Variants in RAD50 observed in about 807,000 individuals in gnomAD.
The protein encoded by RAD50 is DNA repair protein RAD50.
RAD50 carries 132 observed loss-of-function variants against 168.8 expected under a neutral mutation model. The observed-to-expected ratio is 0.78, with a 90% confidence interval of 0.68 to 0.90. RAD50 has a LOEUF of 0.90. Among genes scored for constraint, RAD50 ranks in the 40% least tolerant of loss-of-function variants. The probability of loss-of-function intolerance (pLI) is 0.00; values close to 1 mark genes in which losing one functional copy is unlikely to be tolerated. For missense variants in RAD50, 1,347 were observed against 1,534.4 expected (o/e 0.88, Z 2.04); for synonymous variants, 525 against 497.4 (o/e 1.06, Z -0.74).
intron 2 of RAD50, 34 bp from the exon 3 acceptor site, chr5:132,575,743 G>GTAACA (rs777962483): frequency 2.6e-6 from 4 of 1,552,000 alleles, no homozygotes; most frequent in Admixed American, 3.3e-5. Context: ...GCTTATTAAA[G>GTAACA]TAACATAAGT....
At chr5:132,633,061 A>C (rs1751503783) in intron 21 of RAD50, among the ~76,000 whole-genome samples, 1 of 145,764 alleles carries the variant, frequency 6.9e-6, no homozygotes, top group East Asian at 2.0e-4. Context: ...ACCTATTCCC[A>C]GTTTATCGTT....
intron 5 of RAD50, among the ~76,000 whole-genome samples, chr5:132,582,609 C>T (rs189223631): frequency 6.6e-6 from 1 of 152,258 alleles, no homozygotes; most frequent in East Asian, 1.9e-4. Flanking sequence ...ATATCCTGTC[C>T]TCTTTTTTTG....
rs1224907828 is a variant in RAD50, at chr5:132,588,029, A to G, written c.991A>G (p.Lys331Glu). 2.5e-6 allele frequency: 4 copies of G among 1,612,634 alleles called. No homozygotes were observed. The South Asian group carries it at 3.3e-5, about 13-fold the overall frequency. Residue 331 changes from lysine (K) to glutamate (E), a missense_variant, in exon 7 of 25, where the codon AAA becomes GAA. Around this residue, in one of 3 missense-constraint regions of RAD50, gnomAD observed 703 missense variants for 767.7 expected, o/e 0.92. Coordinates refer to ENST00000378823, the MANE Select transcript of RAD50 (RefSeq NM_005732.4). The stretch of plus-strand genomic sequence containing the variant: ...GGTAGACTGTCATCGTGAACTGGAA[A>G]AACTAAATAAAGAATCTAGGCTTCT... ...KLVDCHRELE[K>E]LNKESRLLNQ... is the part of the protein sequence containing the mutation.
chr5:132,573,927 T>C lies in RAD50; in HGVS notation c.214-1850T>C, dbSNP rs567074971. 2.1e-3 allele frequency among the ~76,000 whole-genome samples: 317 copies of C among 152,328 alleles called. 1 individual carries two copies. The highest frequency in any genetic ancestry group is 7.0e-3 in the African/African-American group (291 of 41,576). ...TGCAAGAGGTGGGCTTCCATGGCCT[T>C]GGGCAGCTCCACTTCTGGCTTTGCA... On this transcript the variant is annotated intron_variant, in intron 2 of 24. Transcript: ENST00000378823.
At chr5:132,577,390 G>A in intron 3 of RAD50, among the ~76,000 whole-genome samples, 1 of 152,166 alleles carries the variant, frequency 6.6e-6, no homozygotes, top group Non-Finnish European at 1.5e-5. Flanking sequence ...AATTCCATCT[G>A]TAATCTTAAT....
At chr5:132,563,427 A>G (rs1750154791) in intron 2 of RAD50, among the ~76,000 whole-genome samples, 1 of 152,234 alleles carries the variant, frequency 6.6e-6, no homozygotes, top group South Asian at 2.1e-4. Flanking sequence ...GATTGCTTTT[A>G]TATTCTCAAA....
At chr5:132,558,396 A>T (rs1417071232) in intron 1 of RAD50, among the ~76,000 whole-genome samples, 2 of 152,118 alleles carry the variant, frequency 1.3e-5, no homozygotes, top group African/African-American at 4.8e-5. Flanking sequence ...TAGTTTTCTC[A>T]TTTATAAAAT....
At chr5:132,558,647 G>T (rs1750059649) in intron 1 of RAD50, among the ~76,000 whole-genome samples, 1 of 150,394 alleles carries the variant, frequency 6.6e-6, no homozygotes, top group South Asian at 2.1e-4. Context: ...GGAGGTGGAG[G>T]TTGCAGTGAG....
At position 132,579,306 on chromosome 5, in the gene RAD50, A is replaced by T. The variant is rs771876279; in HGVS notation, c.366-11A>T. ...TATTTTACATATATTCTTGATTTTCATTTTCTGTAGGCATGGTGAAAAGGT... is the reference window on the plus strand; with the variant it reads ...TATTTTACATATATTCTTGATTTTCTTTTTCTGTAGGCATGGTGAAAAGGT... On this transcript the variant is annotated splice_polypyrimidine_tract_variant and intron_variant, in intron 3 of 24. Coordinates refer to ENST00000378823, the MANE Select transcript of RAD50 (RefSeq NM_005732.4). 6.2e-7 allele frequency: 1 copy of T among 1,612,360 alleles called. No homozygotes were observed. The highest frequency in any genetic ancestry group is 8.5e-7 in the Non-Finnish European group (1 of 1,178,506).
At chr5:132,612,727 C>A (rs1751108290) in intron 19 of RAD50, among the ~76,000 whole-genome samples, 1 of 151,980 alleles carries the variant, frequency 6.6e-6, no homozygotes, top group Non-Finnish European at 1.5e-5. Context: ...ACTCAGGAGG[C>A]TGAGGTGGGA....
intron 13 of RAD50, among the ~76,000 whole-genome samples, chr5:132,601,658 G>C (rs17166065): frequency 6.6e-6 from 1 of 152,042 alleles, no homozygotes; most frequent in Non-Finnish European, 1.5e-5. Context: ...AAAAAAAACT[G>C]TAGGTCTGAC....
rs587782827 is a variant in RAD50, at chr5:132,580,071, C to T, written c.756+5C>T. On this transcript the variant is annotated splice_donor_5th_base_variant and intron_variant, in intron 5 of 24. Coordinates refer to ENST00000378823, the MANE Select transcript of RAD50 (RefSeq NM_005732.4). ...AATGAACTTGATCCATTGAAGGTAA[C>T]TTGATTTTATTTTTAATTGACAAAA... 11 of 1,601,964 alleles carry T rather than the reference C, an allele frequency of 6.9e-6. No individual in the cohort carries two copies. The highest frequency in any genetic ancestry group is 1.7e-5 in the Admixed American group (1 of 59,914).
At chr5:132,614,343 T>C (rs1407958151) in intron 19 of RAD50, among the ~76,000 whole-genome samples, 1 of 152,162 alleles carries the variant, frequency 6.6e-6, no homozygotes, top group African/African-American at 2.4e-5. Context: ...AGAACCTTGG[T>C]AAGTCACACC....
At chr5:132,610,925 C>G (rs1751072436) in intron 19 of RAD50, among the ~76,000 whole-genome samples, 1 of 151,930 alleles carries the variant, frequency 6.6e-6, no homozygotes, top group South Asian at 2.1e-4. Context: ...CTTCCTTGTT[C>G]CAGAAATTAT....
intron 1 of RAD50, among the ~76,000 whole-genome samples, chr5:132,557,841 T>C (rs894586515): frequency 6.6e-6 from 1 of 152,228 alleles, no homozygotes; most frequent in East Asian, 1.9e-4. Flanking sequence ...TTAAAAGTTA[T>C]AAAATGATAC....
At chr5:132,581,549 T>C (rs1750505058) in intron 5 of RAD50, among the ~76,000 whole-genome samples, 2 of 152,218 alleles carry the variant, frequency 1.3e-5, no homozygotes, top group Admixed American at 1.3e-4. Flanking sequence ...CAGAGTATAT[T>C]TTACCTGCAA....
In RAD50 at chr5:132,557,170, G is replaced by GC; in HGVS notation, c.-154dup. The stretch of plus-strand genomic sequence containing the variant: ...GCCCCCTCTCTCCCGCTGTTGGCTG[G>GC]CAGGATCTTTTGGCAGTCCTGTGGC... On this transcript the variant is annotated 5_prime_UTR_variant, in exon 1 of 25. Transcript: ENST00000378823. 2 of 1,019,044 alleles carry GC rather than the reference G, an allele frequency of 2.0e-6. No homozygotes were observed. Among genetic ancestry groups the GC allele is most frequent in the Non-Finnish European group, 3.0e-6 (2 of 665,074 alleles). 63.1% of individuals were successfully genotyped at this position (1,019,044 alleles called of 1,614,324 possible). A position where few individuals can be genotyped will look rare whatever the true frequency, so the allele number is the denominator to read the frequency against.
chr5:132,590,271 A>T (rs1580993816), intron 9 of RAD50, among the ~76,000 whole-genome samples: 1 of 152,164 alleles, frequency 6.6e-6, no homozygotes, highest in Non-Finnish European at 1.5e-5. Flanking sequence ...GGAGTTCAAG[A>T]CCTGTCCAGC....
chr5:132,609,815 T>C (rs538061954), intron 19 of RAD50, among the ~76,000 whole-genome samples: 32 of 152,136 alleles, frequency 2.1e-4, no homozygotes, highest in African/African-American at 7.5e-4. Context: ...GAAAAATAAT[T>C]CCAATAACAT....
Sources: allele counts gnomAD v4.1 joint callset (sites outside exome capture counted in the v4.1 genomes callset), GRCh38; gene constraint gnomAD v4.1.1; regional missense constraint gnomAD v4.1.1; transcripts MANE v1.5; gene names NCBI Gene and HGNC (gene_info 2026-07-23, HGNC 2026-07-21).